The following ZNF345 variants were observed in gnomAD, a reference collection of about 807,000 sequenced individuals.
ZNF345 encodes the protein zinc finger protein HZF10.
For synonymous variants in ZNF345, 166 were observed against 187.9 expected, an observed-to-expected ratio of 0.88 and a Z score of 0.95; for missense variants, 527 against 589.9, an observed-to-expected ratio of 0.89 and a Z score of 1.10.
rs1454576757 is a variant in ZNF345, at chr19:36,879,055, C to G, written c.*758C>G. 1.2e-5 allele frequency: 2 copies of G among 165,590 alleles called. No homozygotes were observed. Among genetic ancestry groups the G allele is most frequent in the African/African-American group, 4.8e-5 (2 of 41,444 alleles). The allele number at this position is 165,590 out of a possible 1,614,324, so 10.3% of individuals were successfully genotyped here. The stretch of plus-strand genomic sequence containing the variant: ...GTTTCACCACGTTGGCCAGGATGGT[C>G]TCGATCTCTTGACCTCGTGATCCAT... On this transcript the variant is annotated 3_prime_UTR_variant, in exon 3 of 3. Coordinates refer to ENST00000420450, the MANE Select transcript of ZNF345 (RefSeq NM_001242472.2).
intron 1 of ZNF345, chr19:36,851,276 A>G (rs1443804993): frequency 1.3e-5 from 2 of 151,998 alleles, no homozygotes; most frequent in African/African-American, 4.8e-5. Flanking sequence ...CATTTGCCGA[A>G]CTGTGTGTAG....
At position 36,877,927 on chromosome 19, in the gene ZNF345, G is replaced by A. The variant is rs1938691282; in HGVS notation, c.1097G>A (p.Gly366Asp). 6.2e-7 allele frequency: 1 copy of A among 1,614,152 alleles called. No individual in the cohort carries two copies. Among genetic ancestry groups the A allele is most frequent in the Non-Finnish European group, 8.5e-7 (1 of 1,180,024 alleles). The stretch of plus-strand genomic sequence containing the variant: ...ACTCAACATCACAGAATTCATACTG[G>A]TGAGAAACCCTATGAATGTAAGGAA... ...DLTQHHRIHT[G>D]EKPYECKECG... Residue 366 changes from glycine (G) to aspartate (D), a missense_variant, in exon 3 of 3, where the codon GGT (glycine) becomes GAT (aspartate). Physicochemically the swap from Gly to Asp is moderately conservative, Grantham distance 94 (BLOSUM62 -1). Transcript: ENST00000420450.
chr19:36,850,700 C>T (rs1166061515), upstream of ZNF345: 1 of 152,200 alleles, frequency 6.6e-6, no homozygotes, highest in African/African-American at 2.4e-5. Context: ...GGCAGCTCAC[C>T]TCAAAGAGAT....
At chr19:36,873,889 A>C (rs1008941480) in intron 2 of ZNF345, among the ~76,000 whole-genome samples, 2 of 152,108 alleles carry the variant, frequency 1.3e-5, no homozygotes, top group Non-Finnish European at 2.9e-5. Context: ...GTGGGCACAT[A>C]GGTTATTTTC....
exon 4 of ZNF345, chr19:36,892,945 G>T: frequency 1.4e-6 from 1 of 698,014 alleles, no homozygotes; most frequent in Non-Finnish European, 2.0e-6. Context: ...AGGAGGACAG[G>T]CCAGCAGGAT....
intron 2 of ZNF345, among the ~76,000 whole-genome samples, chr19:36,870,564 G>A (rs1600708462): frequency 6.6e-6 from 1 of 152,246 alleles, no homozygotes; most frequent in African/African-American, 2.4e-5. Context: ...AATTTTGTGA[G>A]TTCTGGTATA....
At chr19:36,886,485 A>C (rs915420359) in intron 3 of ZNF345, among the ~76,000 whole-genome samples, 1 of 152,218 alleles carries the variant, frequency 6.6e-6, no homozygotes, top group Non-Finnish European at 1.5e-5. Context: ...GAAAAACATC[A>C]GTCAGATCTT....
At chr19:36,855,447 C>CTTT (rs34265794) in intron 2 of ZNF345, among the ~76,000 whole-genome samples, 804 of 58,560 alleles carry the variant, frequency 0.014, 49 homozygotes, top group African/African-American at 0.048. Context: ...CGAGCCTGGC[C>CTTT]TTTTTTTTTT....
At chr19:36,864,213 T>C (rs951644221) in intron 2 of ZNF345, among the ~76,000 whole-genome samples, 2 of 152,162 alleles carry the variant, frequency 1.3e-5, no homozygotes, top group Non-Finnish European at 2.9e-5. Flanking sequence ...CTAAAAACCA[T>C]GGGAATTACA....
At chr19:36,853,319 G>A (rs1266919290) in intron 2 of ZNF345, among the ~76,000 whole-genome samples, 1 of 150,084 alleles carries the variant, frequency 6.7e-6, no homozygotes, top group Non-Finnish European at 1.5e-5. Flanking sequence ...CATGATCTCG[G>A]CTCACCACAA....
At position 36,862,244 on chromosome 19, in the gene ZNF345, A is replaced by C. The variant is rs1317068123; in HGVS notation, c.-47+10340A>C. Reference sequence around the variant, plus strand: ...TTGGATTTGGTTTTTTCCCCCATTAAAGTTGCTTTTGTTATTCATTTGAAA... The same window carrying C: ...TTGGATTTGGTTTTTTCCCCCATTACAGTTGCTTTTGTTATTCATTTGAAA... On this transcript the variant is annotated intron_variant, in intron 2 of 2. Transcript: ENST00000420450. Among the ~76,000 whole-genome samples, 4 of 152,022 alleles carry C rather than the reference A, an allele frequency of 2.6e-5. No individual in the cohort carries two copies. In the East Asian group the frequency reaches 7.7e-4, roughly 29 times the overall value.
chr19:36,859,693 G>A (rs544497092), intron 2 of ZNF345, among the ~76,000 whole-genome samples: 1 of 152,028 alleles, frequency 6.6e-6, no homozygotes, highest in East Asian at 1.9e-4. Context: ...TTTAACATAA[G>A]AATTATTTAG....
chr19:36,868,591 G>C (rs1036727877), intron 2 of ZNF345, among the ~76,000 whole-genome samples: 8 of 150,374 alleles, frequency 5.3e-5, no homozygotes, highest in Admixed American at 4.6e-4. Flanking sequence ...ATATGATTTT[G>C]GGTACCCATT....
chr19:36,861,063 A>T (rs565555088), intron 2 of ZNF345, among the ~76,000 whole-genome samples: 119 of 152,194 alleles, frequency 7.8e-4, no homozygotes, highest in Middle Eastern at 3.4e-3. Flanking sequence ...GAATTCATAG[A>T]TGTTTACTTT....
chr19:36,862,028 T>G (rs985259188), intron 2 of ZNF345, among the ~76,000 whole-genome samples: 1 of 151,796 alleles, frequency 6.6e-6, no homozygotes, highest in Admixed American at 6.6e-5. Flanking sequence ...ACCTGGCTAA[T>G]TTTTGTATTT....
At chr19:36,867,310 C>T (rs927801823) in intron 2 of ZNF345, among the ~76,000 whole-genome samples, 1 of 152,088 alleles carries the variant, frequency 6.6e-6, no homozygotes, top group African/African-American at 2.4e-5. Flanking sequence ...CTCATTTTTT[C>T]CCCAAGATTT....
upstream of ZNF345, chr19:36,850,611 C>T (rs1705188100): frequency 6.6e-6 from 1 of 152,078 alleles, no homozygotes; most frequent in South Asian, 2.1e-4. Context: ...CCTGGCCAAG[C>T]AAAAAGGGCT....
chr19:36,874,996 T>C (rs508541), intron 2 of ZNF345, among the ~76,000 whole-genome samples: 6,161 of 152,234 alleles, frequency 0.04, 398 homozygotes, highest in African/African-American at 0.14. Flanking sequence ...AGATGTTTAT[T>C]TGTAAGGATA....
Position 36,878,102 on chromosome 19 carries a change from A to C in ZNF345, c.1272A>C (p.Lys424Asn). Residue 424 changes from lysine (K) to asparagine (N), a missense_variant, in exon 3 of 3, where the codon AAA becomes AAC. Coordinates refer to ENST00000420450, the MANE Select transcript of ZNF345 (RefSeq NM_001242472.2). ...NRHQRIHTGEKPYECKECGKA... is the reference protein window; with the variant it reads ...NRHQRIHTGENPYECKECGKA... Reference sequence around the variant, plus strand: ...ACCAGAGAATACACACTGGTGAGAAACCCTATGAATGTAAGGAGTGTGGGA... The same window carrying C: ...ACCAGAGAATACACACTGGTGAGAACCCCTATGAATGTAAGGAGTGTGGGA... 1.2e-6 allele frequency: 2 copies of C among 1,614,082 alleles called. No homozygotes were observed. The highest frequency in any genetic ancestry group is 1.7e-6 in the Non-Finnish European group (2 of 1,179,998).
Sources: gnomAD v4.1 joint callset for allele counts (sites outside exome capture counted in the v4.1 genomes callset) on GRCh38, gnomAD v4.1.1 for gene constraint, MANE v1.5 for transcripts, NCBI Gene and HGNC (gene_info 2026-07-23, HGNC 2026-07-21) for gene names.